KDM5A: variants seen among roughly 807,000 people sequenced by gnomAD.
KDM5A encodes lysine demethylase 5A, also known as lysine-specific demethylase 5A.
Under a neutral mutation model 193.5 loss-of-function variants are expected in KDM5A, and 42 were observed. That is an observed-to-expected ratio of 0.22 (90% CI 0.17 to 0.28). The LOEUF is 0.28. Among genes scored for constraint, KDM5A ranks in the 10% least tolerant of loss-of-function variants. The pLI is 1.00. For synonymous variants in KDM5A, 796 were observed against 718.1 expected, an observed-to-expected ratio of 1.11 and a Z score of -1.73; for missense variants, 1,692 against 2,055.1, an observed-to-expected ratio of 0.82 and a Z score of 3.42.
At chr12:334,666 G>C (rs538111423) in intron 10 of KDM5A, among the ~76,000 whole-genome samples, 10 of 152,230 alleles carry the variant, frequency 6.6e-5, no homozygotes, top group African/African-American at 2.2e-4. Context: ...CAAAGCACAT[G>C]AGCAATTCTT....
intron 1 of KDM5A, 58 bp from the exon 2 acceptor site, chr12:386,032 A>G (rs903856574): frequency 7.5e-7 from 1 of 1,341,436 alleles, no homozygotes; most frequent in African/African-American, 1.4e-5. Context: ...GAATGCATTA[A>G]TTATTCCCTT....
intron 6 of KDM5A, 97 bp downstream of exon 6, chr12:356,332 TAAG>T (rs1944229051): frequency 2.5e-6 from 2 of 799,528 alleles, no homozygotes; most frequent in Non-Finnish European, 2.1e-6. Flanking sequence ...TTACAATTCT[TAAG>T]AAATTCCCAG....
intron 24 of KDM5A, among the ~76,000 whole-genome samples, chr12:301,506 A>G (rs1010624383): frequency 1.3e-5 from 2 of 152,226 alleles, no homozygotes; most frequent in African/African-American, 4.8e-5. Flanking sequence ...AACTCTCAAT[A>G]AACTAGGTAT....
Position 355,211 on chromosome 12 carries a change from C to CTGACCTG in KDM5A, c.810_816dup (p.Asp273GlnfsTer6). 1 of 1,613,160 alleles carries CTGACCTG rather than the reference C, an allele frequency of 6.2e-7. No individual in the cohort carries two copies. The highest frequency in any genetic ancestry group is 8.5e-7 in the Non-Finnish European group (1 of 1,179,130). On this transcript the variant is annotated frameshift_variant, in exon 7 of 28. Coordinates refer to ENST00000399788, the MANE Select transcript of KDM5A (RefSeq NM_001042603.3). LOFTEE classifies it high-confidence loss of function. ...TGTCTCATTTGCATGTTAAATGCGT[C>CTGACCTG]TGACCTGTTGGTAACTTTTCGTCTT...
At chr12:331,180 C>A (rs1044515003) in intron 13 of KDM5A, among the ~76,000 whole-genome samples, 1 of 151,942 alleles carries the variant, frequency 6.6e-6, no homozygotes, top group Non-Finnish European at 1.5e-5. Context: ...CACAGAGCTA[C>A]GTATTTGAAA....
rs141643004 is a variant in KDM5A, at chr12:386,424, T to A, written c.166-450A>T. Among the ~76,000 whole-genome samples, 415 of 152,330 alleles carry A rather than the reference T, an allele frequency of 2.7e-3. 2 individuals carry two copies. Among genetic ancestry groups the A allele is most frequent in the African/African-American group, 9.6e-3 (398 of 41,572 alleles). On this transcript the variant is annotated intron_variant, in intron 1 of 27. Transcript: ENST00000399788. The stretch of plus-strand genomic sequence containing the variant: ...AGCCACCAGTGTGGACAATTTGTGG[T>A]TGTCTGGCATCACCATCATTCCTGA...
At chr12:330,235 T>A (rs1383377081) in intron 13 of KDM5A, among the ~76,000 whole-genome samples, 2 of 152,108 alleles carry the variant, frequency 1.3e-5, no homozygotes, top group African/African-American at 4.8e-5. Flanking sequence ...GATTTGCAGT[T>A]CTTAACTATT....
At position 318,261 on chromosome 12, in the gene KDM5A, C is replaced by A. The variant is rs564453092; in HGVS notation, c.2742G>T (p.Pro914=). ...TCATGACATCCAAAGTGACTTGTTGCGGATCTGATAAGGTCAGTCTTACTT... is the reference window on the plus strand; with the variant it reads ...TCATGACATCCAAAGTGACTTGTTGAGGATCTGATAAGGTCAGTCTTACTT... ...LDEVRLTLSD[P]QQVTLDVMKK... is the part of the protein sequence containing the mutation. The change falls in exon 19 of 28, where the codon CCG becomes CCT. Residue 914 remains proline (P), a synonymous_variant. Transcript: ENST00000399788. 1.1e-5 allele frequency: 17 copies of A among 1,614,156 alleles called. No individual in the cohort carries two copies. The highest frequency in any genetic ancestry group is 1.4e-5 in the Non-Finnish European group (16 of 1,180,032).
intron 4 of KDM5A, 41 bp downstream of exon 4, chr12:365,893 T>C (rs1383719144): frequency 7.5e-6 from 12 of 1,604,318 alleles, no homozygotes; most frequent in Admixed American, 1.7e-5. Context: ...TTGGGCAAAC[T>C]GGATTTATCA....
chr12:297,537 G>A (rs1248179558), intron 24 of KDM5A, among the ~76,000 whole-genome samples: 1 of 152,090 alleles, frequency 6.6e-6, no homozygotes, highest in Admixed American at 6.5e-5. Flanking sequence ...TTTTCACCCG[G>A]GTTTTCTAAG....
chr12:352,948 T>A (rs1360353202), intron 8 of KDM5A, among the ~76,000 whole-genome samples: 1 of 152,184 alleles, frequency 6.6e-6, no homozygotes, highest in Non-Finnish European at 1.5e-5. Flanking sequence ...CAGCATTTTG[T>A]TAAAATAAGT....
intron 3 of KDM5A, 97 bp from the exon 4 acceptor site, chr12:366,201 T>A: frequency 1.9e-6 from 2 of 1,067,470 alleles, no homozygotes; most frequent in Non-Finnish European, 2.8e-6. Flanking sequence ...ATTCAGGGCT[T>A]AAATTTCAAA....
Position 363,134 on chromosome 12 carries a change from T to G in KDM5A, c.538-37A>C, listed in dbSNP as rs1383763106. The G allele has an allele frequency of 2.5e-6, 4 of 1,612,790 alleles. No homozygotes were observed. The East Asian group carries it at 6.7e-5, about 27-fold the overall frequency. ...GAGCACAGAAAGAGAGCAGGTTCAC[T>G]GATAAGAAATCATGCTGGAGAATCA... On this transcript the variant is annotated intron_variant, in intron 4 of 27. Coordinates refer to ENST00000399788, the MANE Select transcript of KDM5A (RefSeq NM_001042603.3).
At chr12:285,933 G>A (rs749251446) in intron 27 of KDM5A, among the ~76,000 whole-genome samples, 3 of 152,178 alleles carry the variant, frequency 2.0e-5, no homozygotes, top group Admixed American at 6.5e-5. Flanking sequence ...GCAGAAACAT[G>A]TTTGAGAAAA....
At chr12:325,751 C>A (rs530072698) in intron 14 of KDM5A, among the ~76,000 whole-genome samples, 1 of 152,092 alleles carries the variant, frequency 6.6e-6, no homozygotes, top group Non-Finnish European at 1.5e-5. Flanking sequence ...TGGTGGCTCA[C>A]GCCTGTAATC....
Position 283,893 on chromosome 12 carries a change from C to T in KDM5A, c.*1563G>A, listed in dbSNP as rs537286472. On this transcript the variant is annotated 3_prime_UTR_variant, in exon 28 of 28. Coordinates refer to ENST00000399788, the MANE Select transcript of KDM5A (RefSeq NM_001042603.3). ...AGCTTACCTAATACCTTAAGAAGAA[C>T]AGAGAACACAACAGGAGGGAAGAGG... is the stretch of plus-strand genomic sequence containing the variant. 4.3e-6 allele frequency: 1 copy of T among 232,324 alleles called. No homozygotes were observed. Among genetic ancestry groups the T allele is most frequent in the African/African-American group, 2.2e-5 (1 of 44,954 alleles). 14.4% of individuals were successfully genotyped at this position (232,324 alleles called of 1,614,324 possible). A position where few individuals can be genotyped will look rare whatever the true frequency, so the allele number is the denominator to read the frequency against.
chr12:383,412 T>G (rs187193335), intron 3 of KDM5A, among the ~76,000 whole-genome samples: 86 of 152,142 alleles, frequency 5.7e-4, no homozygotes, highest in African/African-American at 1.9e-3. Flanking sequence ...ACATAGGGTT[T>G]CACCATGTTG....
At position 318,376 on chromosome 12, in the gene KDM5A, A is replaced by G. The variant is rs770507579; in HGVS notation, c.2627T>C (p.Met876Thr). The G allele has an allele frequency of 6.2e-7, 1 of 1,614,192 alleles. No homozygotes were observed. Among genetic ancestry groups the G allele is most frequent in the Non-Finnish European group, 8.5e-7 (1 of 1,180,006 alleles). The change falls in exon 19 of 28, where the codon ATG (methionine) becomes ACG (threonine). Residue 876 changes from methionine to threonine, a missense_variant. By Grantham distance (81) the Met-to-Thr change is moderately conservative. Around this residue, in one of 11 missense-constraint regions of KDM5A, gnomAD observed 965 missense variants for 1,061.0 expected, o/e 0.91. Transcript: ENST00000399788. ...DETPDSSKLQ[M>T]LIDMGSSLYV... Reference sequence around the variant, plus strand: ...GAGACTAGAGCCCATATCTATCAACATCTGGAGTTTGGAAGAATCTGGGGT... The same window carrying G: ...GAGACTAGAGCCCATATCTATCAACGTCTGGAGTTTGGAAGAATCTGGGGT...
intron 18 of KDM5A, among the ~76,000 whole-genome samples, chr12:320,701 TTAAC>T (rs1457962087): frequency 1.3e-5 from 2 of 152,202 alleles, no homozygotes; most frequent in African/African-American, 2.4e-5. Flanking sequence ...GCAGATTATT[TTAAC>T]TAACTTCTTG....
Sources: gnomAD v4.1 joint callset for allele counts (sites outside exome capture counted in the v4.1 genomes callset) on GRCh38, gnomAD v4.1.1 for gene constraint, gnomAD v4.1.1 regional missense constraint, MANE v1.5 for transcripts, NCBI Gene and HGNC (gene_info 2026-07-23, HGNC 2026-07-21) for gene names.